LIMK2: variants seen among roughly 807,000 people sequenced by gnomAD.
LIMK2 encodes the protein LIM domain kinase 2.
LIMK2 carries 35 observed loss-of-function variants against 75.7 expected under a neutral mutation model. The observed-to-expected ratio is 0.46, with a 90% confidence interval of 0.35 to 0.61. The LOEUF is 0.61. LIMK2 is among the 20% of genes least tolerant of loss of function. The pLI, the probability that LIMK2 is intolerant of heterozygous loss-of-function variation, is 0.00. For missense variants in LIMK2, 623 were observed against 831.0 expected (o/e 0.75, Z 3.08); for synonymous variants, 301 against 319.2 (o/e 0.94, Z 0.61).
intron 2 of LIMK2, among the ~76,000 whole-genome samples, chr22:31,235,545 A>G (rs564433262): frequency 6.6e-6 from 1 of 152,310 alleles, no homozygotes; most frequent in South Asian, 2.1e-4. Context: ...ACCTCCGGAG[A>G]GGAGGGCAAG....
Position 31,275,205 on chromosome 22 carries a change from G to C in LIMK2, c.1669G>C (p.Gly557Arg). Residue 557 changes from glycine (G) to arginine (R), a missense_variant, in exon 15 of 16, where the codon GGC becomes CGC. Transcript: ENST00000331728. ...PDCLPRTLDF[G>R]LNVKLFWEKF... ...CTGCCTTCCCCGAACACTGGACTTT[G>C]GCCTCAACGTGAAGCTTTTCTGGGA... The C allele has an allele frequency of 6.2e-7, 1 of 1,614,162 alleles. No individual in the cohort carries two copies.
intron 2 of LIMK2, among the ~76,000 whole-genome samples, chr22:31,257,040 A>ATTTTTTTTT (rs529919320): frequency 4.1e-4 from 31 of 75,070 alleles, no homozygotes; most frequent in South Asian, 7.3e-4. Context: ...GGAGCTATAG[A>ATTTTTTTTT]TTTTTTTTTT....
In LIMK2 at chr22:31,261,144, C is replaced by T. The variant is rs970638466; in HGVS notation, c.552-990C>T. Among the ~76,000 whole-genome samples the T allele has an allele frequency of 6.6e-5, 10 of 152,144 alleles. No individual in the cohort carries two copies. The South Asian group carries it at 1.9e-3, about 28-fold the overall frequency. On this transcript the variant is annotated intron_variant, in intron 5 of 15. Transcript: ENST00000331728. The stretch of plus-strand genomic sequence containing the variant: ...CAACCTGGCCAACATAGCAAGACCC[C>T]GTCTCTGTTTTTCTTAATTAAAAGA...
At position 31,275,191 on chromosome 22, in the gene LIMK2, G is replaced by A; in HGVS notation, c.1655G>A (p.Arg552Gln). The change falls in exon 15 of 16, where the codon CGA becomes CAA. Residue 552 changes from arginine (R) to glutamine (Q), a missense_variant. This residue lies in a region of LIMK2 where 63 missense variants were observed against 122.8 expected (regional missense o/e 0.51). Coordinates refer to ENST00000331728, the MANE Select transcript of LIMK2 (RefSeq NM_005569.4). ...TATGCAGATCCTGACTGCCTTCCCC[G>A]AACACTGGACTTTGGCCTCAACGTG... ...QVYADPDCLP[R>Q]TLDFGLNVKL... 1.2e-6 allele frequency: 2 copies of A among 1,614,150 alleles called. No homozygotes were observed. Among genetic ancestry groups the A allele is most frequent in the African/African-American group, 1.3e-5 (1 of 75,030 alleles).
intron 1 of LIMK2, among the ~76,000 whole-genome samples, chr22:31,219,020 T>A (rs956263448): frequency 4.6e-5 from 7 of 152,202 alleles, no homozygotes; most frequent in Non-Finnish European, 1.0e-4. Context: ...AAATTTAAGG[T>A]GAACATTGTG....
intron 13 of LIMK2, 97 bp downstream of exon 13, chr22:31,272,801 G>T: frequency 1.4e-6 from 2 of 1,471,894 alleles, no homozygotes; most frequent in Admixed American, 5.1e-5. Flanking sequence ...CCTGTGAAGC[G>T]TAGGACCGGA....
intron 1 of LIMK2, among the ~76,000 whole-genome samples, chr22:31,221,340 C>A (rs2048431542): frequency 2.0e-5 from 3 of 151,444 alleles, no homozygotes; most frequent in Admixed American, 2.0e-4. Context: ...TCCTTCCCCC[C>A]TTTTTTGCCC....
intron 5 of LIMK2, among the ~76,000 whole-genome samples, chr22:31,261,666 G>T (rs1016954078): frequency 6.6e-6 from 1 of 152,206 alleles, no homozygotes; most frequent in African/African-American, 2.4e-5. Flanking sequence ...TACTCAGGAG[G>T]CTGAGGCATG....
chr22:31,272,441 C>G (rs927900274), intron 12 of LIMK2, 89 bp from the exon 13 acceptor site: 41 of 1,265,908 alleles, frequency 3.2e-5, no homozygotes, highest in Middle Eastern at 4.1e-4. Flanking sequence ...TTCTCCCCTT[C>G]TCAGTGGCTT....
At chr22:31,226,636 G>A (rs559472587) in intron 2 of LIMK2, among the ~76,000 whole-genome samples, 4 of 122,360 alleles carry the variant, frequency 3.3e-5, no homozygotes, top group Non-Finnish European at 7.7e-5. Flanking sequence ...TTGAGACAGA[G>A]TCTCGCTCTG....
intron 14 of LIMK2, among the ~76,000 whole-genome samples, chr22:31,274,807 A>G (rs565973515): frequency 9.4e-4 from 143 of 152,332 alleles, no homozygotes; most frequent in South Asian, 5.8e-3. Context: ...AATCAGATCC[A>G]GCACCTCATA....
chr22:31,212,338 G>A lies in LIMK2; in HGVS notation c.-71G>A, dbSNP rs930267541. 3 of 1,308,438 alleles carry A rather than the reference G, an allele frequency of 2.3e-6. No homozygotes were observed. The highest frequency in any genetic ancestry group is 2.9e-6 in the Non-Finnish European group (3 of 1,018,158). The allele number at this position is 1,308,438 out of a possible 1,614,324, so 81.1% of individuals were successfully genotyped here. On this transcript the variant is annotated 5_prime_UTR_variant, in exon 1 of 16. Transcript: ENST00000331728. ...AGGCGGCGGCGGCAGGAGCTGAGGG[G>A]AGTTGTAGGGAACTGAGGGGAGCTG...
intron 2 of LIMK2, chr22:31,248,460 A>G (rs1228758968): frequency 1.3e-6 from 2 of 1,491,060 alleles, no homozygotes; most frequent in Non-Finnish European, 1.8e-6. Flanking sequence ...CGGAGTCCAG[A>G]GGGGCCGCCT....
At chr22:31,242,158 A>C (rs1457988646) in intron 2 of LIMK2, among the ~76,000 whole-genome samples, 1 of 152,228 alleles carries the variant, frequency 6.6e-6, no homozygotes, top group Non-Finnish European at 1.5e-5. Context: ...GTGGAAATCC[A>C]AGATAAGGTC....
intron 1 of LIMK2, 73 bp downstream of exon 1, chr22:31,212,497 G>A: frequency 7.7e-7 from 1 of 1,300,438 alleles, no homozygotes; most frequent in South Asian, 3.1e-5. Flanking sequence ...GAGGGAAACC[G>A]GCTGTCTCTC....
At chr22:31,236,013 G>A (rs2123792340) in intron 2 of LIMK2, among the ~76,000 whole-genome samples, 1 of 152,348 alleles carries the variant, frequency 6.6e-6, no homozygotes, top group Non-Finnish European at 1.5e-5. Flanking sequence ...AAAATGGAGA[G>A]GCCAGGCGTA....
chr22:31,273,676 C>T (rs1241466054), intron 14 of LIMK2, among the ~76,000 whole-genome samples, 169 bp downstream of exon 14: 2 of 152,158 alleles, frequency 1.3e-5, no homozygotes. Context: ...GTTCGTGTTT[C>T]ATTGGTCTTA....
chr22:31,258,261 G>A (rs1206424377), intron 2 of LIMK2, 30 bp from the exon 3 acceptor site: 28 of 1,571,648 alleles, frequency 1.8e-5, no homozygotes, highest in Non-Finnish European at 2.3e-5. Flanking sequence ...AGGGATCCAG[G>A]AGAATTTCAG....
Position 31,272,733 on chromosome 22 carries a change from C to T in LIMK2, c.1558+29C>T, listed in dbSNP as rs368826823. 6 of 1,554,160 alleles carry T rather than the reference C, an allele frequency of 3.9e-6. No individual in the cohort carries two copies. In the Admixed American group the frequency reaches 5.9e-5, roughly 15 times the overall value. On this transcript the variant is annotated intron_variant, in intron 13 of 15. Transcript: ENST00000331728. ...AGTCCTGAAGCCCTGGAGGGGACAC[C>T]CGCAGAGGGAGGACAGATGCTGCCC...
Sources: allele counts gnomAD v4.1 joint callset (sites outside exome capture counted in the v4.1 genomes callset), GRCh38; gene constraint gnomAD v4.1.1; regional missense constraint gnomAD v4.1.1; transcripts MANE v1.5; gene names NCBI Gene and HGNC (gene_info 2026-07-23, HGNC 2026-07-21).